PRUNE2: variants seen among roughly 807,000 people sequenced by gnomAD.
PRUNE2 encodes protein prune homolog 2.
Under a neutral mutation model 252.0 loss-of-function variants are expected in PRUNE2, and 164 were observed. The ratio of observed to expected loss-of-function variants is 0.65; its 90% CI spans 0.57 to 0.74. PRUNE2 has a LOEUF of 0.74. Among genes scored for constraint, PRUNE2 ranks in the 30% least tolerant of loss-of-function variants. The pLI is 0.00. For missense variants in PRUNE2, 3,495 were observed against 3,711.0 expected (o/e 0.94, Z 1.51); for synonymous variants, 1,292 against 1,350.2 (o/e 0.96, Z 0.94).
At position 76,710,978 on chromosome 9, in the gene PRUNE2, G is replaced by C. The variant is rs200450000; in HGVS notation, c.1296C>G (p.Thr432=). The C allele has an allele frequency of 6.2e-6, 10 of 1,609,292 alleles. No homozygotes were observed. The highest frequency in any genetic ancestry group is 3.4e-5 in the Admixed American group (2 of 59,672). The part of the protein sequence containing the change: ...DLVSPDSGLA[T]IRSSRSSKES... ...CCTTGGATGAGCGGCTGCTCCTAAT[G>C]GTAGCCAGTCCGCTGTCTGGGCTAA... Residue 432 remains threonine (T), a synonymous_variant, in exon 8 of 19, where the codon ACC becomes ACG. Coordinates refer to ENST00000376718, the MANE Select transcript of PRUNE2 (RefSeq NM_015225.3).
intron 6 of PRUNE2, chr9:76,737,228 G>T (rs1233059159): frequency 1.3e-5 from 2 of 152,176 alleles, no homozygotes; most frequent in African/African-American, 4.8e-5. Context: ...TTAGTAAGCT[G>T]CCAGGTTGAT....
chr9:76,869,885 G>A (rs751271457), intron 1 of PRUNE2, among the ~76,000 whole-genome samples: 1 of 152,146 alleles, frequency 6.6e-6, no homozygotes, highest in Non-Finnish European at 1.5e-5. Context: ...TGGGTCTCCA[G>A]AGCCCCTCAA....
intron 12 of PRUNE2, among the ~76,000 whole-genome samples, chr9:76,641,448 A>C (rs1331429267): frequency 6.6e-6 from 1 of 152,210 alleles, no homozygotes; most frequent in Non-Finnish European, 1.5e-5. Flanking sequence ...TGCTAAAAAA[A>C]GTTTAAATTT....
In PRUNE2 at chr9:76,898,626, T is replaced by TA. The variant is rs553923495; in HGVS notation, c.36+7301dup. Reference sequence around the variant, plus strand: ...TAATAAAAGTGCATATACATTAAAGTAAAAAAATTAAAACAACTATAATGA... The same window carrying TA: ...TAATAAAAGTGCATATACATTAAAGTAAAAAAAATTAAAACAACTATAATGA... On this transcript the variant is annotated intron_variant, in intron 1 of 18. Transcript: ENST00000376718. 2.0e-3 allele frequency among the ~76,000 whole-genome samples: 309 copies of TA among 151,742 alleles called. 2 individuals carry two copies. Among genetic ancestry groups the TA allele is most frequent in the Non-Finnish European group, 2.0e-3 (135 of 67,898 alleles).
intron 4 of PRUNE2, among the ~76,000 whole-genome samples, chr9:76,837,931 C>T (rs999017795): frequency 4.7e-4 from 72 of 151,876 alleles, no homozygotes; most frequent in Admixed American, 8.5e-4. Flanking sequence ...GCCACCACGC[C>T]CAGCTAATTT....
chr9:76,739,015 C>T (rs1588945717), intron 6 of PRUNE2: 1 of 152,078 alleles, frequency 6.6e-6, no homozygotes, highest in Non-Finnish European at 1.5e-5. Context: ...GTGAAGTGGG[C>T]AGAGCTGGTG....
Position 76,869,463 on chromosome 9 carries a change from T to TTC in PRUNE2, c.37-15257_37-15256dup, listed in dbSNP as rs530343931. On this transcript the variant is annotated intron_variant, in intron 1 of 18. Transcript: ENST00000376718. The stretch of plus-strand genomic sequence containing the variant: ...GTGACCTCTCAGGATCGTTCTCTCT[T>TTC]TCTCTCTCTCTCTCTTTCAAAATAT... Among the ~76,000 whole-genome samples, 61 of 151,848 alleles carry TTC rather than the reference T, an allele frequency of 4.0e-4. 1 individual carries two copies. In the South Asian group the frequency reaches 4.8e-3, roughly 12 times the overall value.
chr9:76,872,475 C>A (rs928712458), intron 1 of PRUNE2, among the ~76,000 whole-genome samples: 2 of 152,028 alleles, frequency 1.3e-5, no homozygotes, highest in African/African-American at 4.8e-5. Context: ...GAGGAGGTGA[C>A]TTTTGCCTTT....
intron 9 of PRUNE2, chr9:76,692,196 A>G (rs1001680473): frequency 2.8e-6 from 2 of 716,862 alleles, no homozygotes; most frequent in African/African-American, 3.5e-5. Flanking sequence ...TTCTGGTCAC[A>G]TGATCTCTGG....
At chr9:76,799,355 A>G (rs908275372) in intron 6 of PRUNE2, among the ~76,000 whole-genome samples, 2 of 152,018 alleles carry the variant, frequency 1.3e-5, no homozygotes, top group Non-Finnish European at 2.9e-5. Context: ...AAAAAAAAAA[A>G]AAAAATCAGT....
intron 6 of PRUNE2, among the ~76,000 whole-genome samples, chr9:76,803,040 G>A (rs1396520160): frequency 6.6e-6 from 1 of 151,962 alleles, no homozygotes; most frequent in Non-Finnish European, 1.5e-5. Flanking sequence ...CACATTGTTC[G>A]CTCTTTCCCT....
rs372131590 is a variant in PRUNE2 at position 76,713,645 on chromosome 9, A to G, written c.833T>C (p.Leu278Pro). 6 of 1,601,854 alleles carry G rather than the reference A, an allele frequency of 3.7e-6. No homozygotes were observed. The highest frequency in any genetic ancestry group is 5.1e-6 in the Non-Finnish European group (6 of 1,174,020). Residue 278 changes from leucine (L) to proline (P), a missense_variant, in exon 7 of 19, where the codon CTG (leucine) becomes CCG (proline). Coordinates refer to ENST00000376718, the MANE Select transcript of PRUNE2 (RefSeq NM_015225.3). Reference protein sequence around the residue: ...TDKFGFDVLILFSSYLSEEQQ... With the variant: ...TDKFGFDVLIPFSSYLSEEQQ... The stretch of plus-strand genomic sequence containing the variant: ...CTCCTCTGACAGATAGCTGGAGAAC[A>G]GGATGAGGACATCAAAACCAAACTT...
At chr9:76,783,831 C>A (rs1266776932) in intron 6 of PRUNE2, 1 of 152,158 alleles carries the variant, frequency 6.6e-6, no homozygotes, top group African/African-American at 2.4e-5. Flanking sequence ...TGTTTTTGCA[C>A]ATTTCCAGCC....
At chr9:76,851,549 G>GAA (rs1329349820) in intron 2 of PRUNE2, among the ~76,000 whole-genome samples, 1 of 113,592 alleles carries the variant, frequency 8.8e-6, no homozygotes. Flanking sequence ...CTCTGTCTCG[G>GAA]AAAAAAAAAA....
chr9:76,905,283 A>T (rs942426257), intron 1 of PRUNE2, among the ~76,000 whole-genome samples: 1 of 152,360 alleles, frequency 6.6e-6, no homozygotes, highest in African/African-American at 2.4e-5. Context: ...GGGCTAACAC[A>T]CAGGTCTGCT....
At chr9:76,781,096 T>C (rs951189960) in intron 6 of PRUNE2, among the ~76,000 whole-genome samples, 1 of 152,194 alleles carries the variant, frequency 6.6e-6, no homozygotes, top group Admixed American at 6.5e-5. Context: ...TATCTTGAAT[T>C]TTTCTACTAC....
intron 9 of PRUNE2, among the ~76,000 whole-genome samples, chr9:76,663,525 A>G (rs1351042294): frequency 6.9e-6 from 1 of 145,274 alleles, no homozygotes; most frequent in Non-Finnish European, 1.5e-5. Context: ...AAAATTCTGC[A>G]GGGAGCAAAA....
At chr9:76,857,132 T>C (rs1268005698) in intron 1 of PRUNE2, 3 of 456,024 alleles carry the variant, frequency 6.6e-6, no homozygotes, top group South Asian at 4.6e-5. Context: ...TTCATGGTCA[T>C]GGCCTCTTCC....
chr9:76,731,814 C>T (rs1321000734), intron 6 of PRUNE2, among the ~76,000 whole-genome samples: 1 of 152,148 alleles, frequency 6.6e-6, no homozygotes, highest in Non-Finnish European at 1.5e-5. Flanking sequence ...GATTCCTTTA[C>T]AGTGTGAACA....
Sources: allele counts gnomAD v4.1 joint callset (sites outside exome capture counted in the v4.1 genomes callset), GRCh38; gene constraint gnomAD v4.1.1; transcripts MANE v1.5; gene names NCBI Gene and HGNC (gene_info 2026-07-23, HGNC 2026-07-21).